FCHO2: variants seen among roughly 807,000 people sequenced by gnomAD.
FCHO2 encodes the protein F-BAR domain only protein 2.
Under a neutral mutation model 114.1 loss-of-function variants are expected in FCHO2, and 43 were observed. The observed-to-expected ratio is 0.38, with a 90% CI of 0.30 to 0.49. The LOEUF (loss-of-function observed/expected upper bound fraction) is 0.49, where lower values mean the gene tolerates loss of function less well. FCHO2 is among the 20% of genes least tolerant of loss of function. The probability of loss-of-function intolerance (pLI) is 0.97; values close to 1 mark genes in which losing one functional copy is unlikely to be tolerated. For synonymous variants in FCHO2, 293 were observed against 315.2 expected (o/e 0.93, Z 0.75); for missense variants, 807 against 950.4 (o/e 0.85, Z 1.98).
chr5:73,075,634 A>G (rs886157048), intron 20 of FCHO2, among the ~76,000 whole-genome samples: 6 of 152,110 alleles, frequency 3.9e-5, no homozygotes, highest in African/African-American at 1.4e-4. Context: ...CTGTATGGAG[A>G]ATAAACTGGG....
intron 18 of FCHO2, among the ~76,000 whole-genome samples, chr5:73,065,649 G>A (rs2112867568): frequency 6.6e-6 from 1 of 151,876 alleles, no homozygotes; most frequent in South Asian, 2.1e-4. Flanking sequence ...TAATTGTATA[G>A]GCATATTTTT....
chr5:72,966,760 A>G (rs1184169179), intron 1 of FCHO2, among the ~76,000 whole-genome samples: 4 of 152,242 alleles, frequency 2.6e-5, no homozygotes, highest in South Asian at 2.1e-4. Context: ...ACACTTGCTT[A>G]TGGTATAACA....
At chr5:72,996,439 A>C (rs1270311198) in intron 5 of FCHO2, among the ~76,000 whole-genome samples, 2 of 152,254 alleles carry the variant, frequency 1.3e-5, no homozygotes, top group African/African-American at 4.8e-5. Context: ...AGCAAGAAAA[A>C]GTTTCAAAAG....
chr5:73,073,859 T>C (rs1049621054), intron 19 of FCHO2, among the ~76,000 whole-genome samples: 1 of 152,156 alleles, frequency 6.6e-6, no homozygotes, highest in African/African-American at 2.4e-5. Context: ...TATTTATTTT[T>C]TTCACTAAGG....
At chr5:73,071,711 A>G (rs1205894176) in intron 19 of FCHO2, among the ~76,000 whole-genome samples, 1 of 152,064 alleles carries the variant, frequency 6.6e-6, no homozygotes, top group Non-Finnish European at 1.5e-5. Context: ...TCATTTTTTG[A>G]AGTATCCATG....
intron 13 of FCHO2, among the ~76,000 whole-genome samples, chr5:73,053,420 G>T (rs1757424941): frequency 6.6e-6 from 1 of 152,190 alleles, no homozygotes; most frequent in Non-Finnish European, 1.5e-5. Flanking sequence ...ATAGGGCCGG[G>T]CATGGTGGCT....
intron 11 of FCHO2, among the ~76,000 whole-genome samples, chr5:73,046,967 A>G (rs952645469): frequency 1.3e-5 from 2 of 152,218 alleles, no homozygotes; most frequent in Non-Finnish European, 2.9e-5. Flanking sequence ...GCTGAGCTTT[A>G]GAAAGTGATT....
intron 9 of FCHO2, among the ~76,000 whole-genome samples, chr5:73,036,019 T>C (rs1363523084): frequency 6.6e-6 from 1 of 152,040 alleles, no homozygotes; most frequent in Non-Finnish European, 1.5e-5. Flanking sequence ...ATTTTTTGTG[T>C]GTTTTTAGTA....
At chr5:73,023,538 C>CTAAA (rs1755744699) in intron 8 of FCHO2, among the ~76,000 whole-genome samples, 1 of 151,946 alleles carries the variant, frequency 6.6e-6, no homozygotes, top group Non-Finnish European at 1.5e-5. Flanking sequence ...TCCATCTCTA[C>CTAAA]TAAATATAAA....
At chr5:73,085,902 A>G (rs1250524186) in intron 24 of FCHO2, among the ~76,000 whole-genome samples, 1 of 151,966 alleles carries the variant, frequency 6.6e-6, no homozygotes, top group Non-Finnish European at 1.5e-5. Flanking sequence ...AGGCGGGTGG[A>G]TCATGAGGTC....
In FCHO2 at chr5:73,074,574, C is replaced by T. The variant is rs1383619108; in HGVS notation, c.1580-168C>T. Among the ~76,000 whole-genome samples the T allele has an allele frequency of 3.3e-5, 5 of 151,886 alleles. No homozygotes were observed. In the East Asian group the frequency reaches 5.8e-4, roughly 18 times the overall value. On this transcript the variant is annotated intron_variant, in intron 19 of 25. Coordinates refer to ENST00000430046, the MANE Select transcript of FCHO2 (RefSeq NM_138782.3). The stretch of plus-strand genomic sequence containing the variant: ...TTTTTTTTTGTCCTTTGTATTAATG[C>T]TCCAGTTTGTTTTATACTATATTTC...
intron 16 of FCHO2, among the ~76,000 whole-genome samples, chr5:73,057,072 G>A (rs1346503793): frequency 6.6e-6 from 1 of 150,576 alleles, no homozygotes; most frequent in Non-Finnish European, 1.5e-5. Context: ...TGATCCTCCC[G>A]CCCCTGTCTC....
intron 8 of FCHO2, among the ~76,000 whole-genome samples, chr5:73,030,095 G>A (rs1366079333): frequency 6.1e-5 from 9 of 148,298 alleles, no homozygotes; most frequent in Admixed American, 1.4e-4. Context: ...AAGCTGGAGT[G>A]TAGTGACATG....
chr5:73,056,712 AT>A (rs1025097009), intron 16 of FCHO2, among the ~76,000 whole-genome samples: 1 of 152,190 alleles, frequency 6.6e-6, no homozygotes, highest in Non-Finnish European at 1.5e-5. Flanking sequence ...ATTCATACAT[AT>A]CTGTATTTCA....
At chr5:73,037,112 G>T in intron 9 of FCHO2, 31 bp from the exon 10 acceptor site, 1 of 1,401,646 alleles carries the variant, frequency 7.1e-7, no homozygotes, top group South Asian at 1.4e-5. Flanking sequence ...GAATGTTTAT[G>T]TTTCTGTAAC....
At chr5:72,981,460 C>A (rs1753208720) in intron 2 of FCHO2, among the ~76,000 whole-genome samples, 1 of 152,200 alleles carries the variant, frequency 6.6e-6, no homozygotes, top group South Asian at 2.1e-4. Context: ...TTGTGGTGTT[C>A]TCTATATTTC....
At chr5:72,970,269 T>C (rs1408935067) in intron 2 of FCHO2, among the ~76,000 whole-genome samples, 1 of 152,252 alleles carries the variant, frequency 6.6e-6, no homozygotes, top group Non-Finnish European at 1.5e-5. Flanking sequence ...CAGAATATTG[T>C]CTCACAGGAG....
At chr5:72,977,054 T>A (rs531904308) in intron 2 of FCHO2, among the ~76,000 whole-genome samples, 34 of 152,200 alleles carry the variant, frequency 2.2e-4, no homozygotes, top group Non-Finnish European at 4.6e-4. Context: ...GTTCCAAGTC[T>A]TTGCTATTGT....
intron 17 of FCHO2, among the ~76,000 whole-genome samples, chr5:73,062,739 G>A (rs1049666940): frequency 2.6e-5 from 4 of 151,876 alleles, no homozygotes; most frequent in African/African-American, 4.8e-5. Flanking sequence ...CTTTCAATCC[G>A]TGTGACTACC....
Sources: allele counts gnomAD v4.1 joint callset (sites outside exome capture counted in the v4.1 genomes callset), GRCh38; gene constraint gnomAD v4.1.1; transcripts MANE v1.5; gene names NCBI Gene and HGNC (gene_info 2026-07-23, HGNC 2026-07-21).